Variants in CCDC91 observed in about 807,000 individuals in gnomAD.
CCDC91 encodes coiled-coil domain-containing protein 91.
CCDC91 carries 48 observed loss-of-function variants against 63.2 expected under a neutral mutation model. The observed-to-expected ratio is 0.76, with a 90% CI of 0.60 to 0.97. The LOEUF is 0.97. Among genes scored for constraint, CCDC91 ranks in the 50% least tolerant of loss-of-function variants. The probability of loss-of-function intolerance (pLI) is 0.00; values close to 1 mark genes in which losing one functional copy is unlikely to be tolerated. For synonymous variants in CCDC91, 167 were observed against 165.8 expected (o/e 1.01, Z -0.06); for missense variants, 500 against 494.6 (o/e 1.01, Z -0.10).
intron 12 of CCDC91, among the ~76,000 whole-genome samples, chr12:28,493,124 G>A (rs1352653851): frequency 6.6e-6 from 1 of 151,548 alleles, no homozygotes; most frequent in Non-Finnish European, 1.5e-5. Flanking sequence ...TATATTTACT[G>A]TCTCAATCCT....
Position 28,305,814 on chromosome 12 carries a change from C to G in CCDC91, c.267+8C>G, listed in dbSNP as rs1344625980. The stretch of plus-strand genomic sequence containing the variant: ...ACTATTCCAAAAGCACAGGTAAAGA[C>G]AAACATATTTTTAAAGGAGGTTTGC... On this transcript the variant is annotated splice_region_variant and intron_variant, in intron 4 of 12. Transcript: ENST00000536442. 6.2e-7 allele frequency: 1 copy of G among 1,600,836 alleles called. No homozygotes were observed. Among genetic ancestry groups the G allele is most frequent in the Non-Finnish European group, 8.5e-7 (1 of 1,174,148 alleles).
intron 1 of CCDC91, among the ~76,000 whole-genome samples, chr12:28,239,526 A>G (rs905622193): frequency 1.1e-4 from 16 of 152,084 alleles, no homozygotes; most frequent in Admixed American, 3.9e-4. Context: ...TTAAGGTATT[A>G]AATTAAAAGA....
intron 7 of CCDC91, among the ~76,000 whole-genome samples, chr12:28,370,242 T>A (rs1944529614): frequency 6.6e-6 from 1 of 152,206 alleles, no homozygotes; most frequent in Non-Finnish European, 1.5e-5. Flanking sequence ...ACTGTGCACT[T>A]TCAGAAAAAG....
chr12:28,424,086 G>T (rs1660327136), intron 8 of CCDC91, among the ~76,000 whole-genome samples: 1 of 151,984 alleles, frequency 6.6e-6, no homozygotes, highest in African/African-American at 2.4e-5. Context: ...CACCACCAAG[G>T]CTAGCTAAAT....
chr12:28,328,169 C>T (rs1157615643), intron 6 of CCDC91, among the ~76,000 whole-genome samples: 2 of 152,068 alleles, frequency 1.3e-5, no homozygotes, highest in African/African-American at 4.8e-5. Context: ...TGCCATCTAC[C>T]TTACATTATT....
chr12:28,483,643 T>C (rs2140913611), intron 11 of CCDC91, among the ~76,000 whole-genome samples: 1 of 152,188 alleles, frequency 6.6e-6, no homozygotes, highest in East Asian at 1.9e-4. Context: ...ACTTGATTAT[T>C]GTGTGATGGC....
At chr12:28,542,869 A>G (rs1005489501) in intron 12 of CCDC91, among the ~76,000 whole-genome samples, 1 of 152,046 alleles carries the variant, frequency 6.6e-6, no homozygotes, top group Non-Finnish European at 1.5e-5. Flanking sequence ...CACTACTCTG[A>G]TATATGAGGA....
chr12:28,346,017 C>T (rs1196522941), intron 6 of CCDC91, among the ~76,000 whole-genome samples: 1 of 151,554 alleles, frequency 6.6e-6, no homozygotes, highest in African/African-American at 2.4e-5. Flanking sequence ...GATTTTTTTC[C>T]ATGCAATTTT....
chr12:28,399,580 A>G (rs1251007100), intron 8 of CCDC91, among the ~76,000 whole-genome samples: 1 of 152,216 alleles, frequency 6.6e-6, no homozygotes, highest in Non-Finnish European at 1.5e-5. Flanking sequence ...CCAAAGCCTC[A>G]TTTGAGACAA....
chr12:28,484,572 C>G (rs1263153344), intron 12 of CCDC91, among the ~76,000 whole-genome samples: 1 of 152,120 alleles, frequency 6.6e-6, no homozygotes, highest in Non-Finnish European at 1.5e-5. Context: ...GACATAATTA[C>G]AGTTAGCAAA....
At chr12:28,388,763 A>G in intron 7 of CCDC91, among the ~76,000 whole-genome samples, 1 of 152,072 alleles carries the variant, frequency 6.6e-6, no homozygotes, top group Non-Finnish European at 1.5e-5. Flanking sequence ...GGGAAAGGAC[A>G]CCCTTTTCAA....
At chr12:28,214,731 A>G (rs1038652093) in intron 1 of CCDC91, among the ~76,000 whole-genome samples, 2 of 152,200 alleles carry the variant, frequency 1.3e-5, no homozygotes, top group African/African-American at 4.8e-5. Flanking sequence ...TAGAAATGTC[A>G]TTCAAAATCT....
chr12:28,546,956 A>C (rs1481448538), intron 12 of CCDC91, among the ~76,000 whole-genome samples: 1 of 152,152 alleles, frequency 6.6e-6, no homozygotes, highest in Non-Finnish European at 1.5e-5. Flanking sequence ...GAATAAACTT[A>C]CATGTCTGTC....
intron 12 of CCDC91, among the ~76,000 whole-genome samples, chr12:28,507,562 T>G (rs1027506412): frequency 6.6e-6 from 1 of 152,034 alleles, no homozygotes; most frequent in African/African-American, 2.4e-5. Context: ...GTCAGTTGTC[T>G]TTTCTTCCTT....
chr12:28,287,576 T>A (rs1235128703), intron 3 of CCDC91, among the ~76,000 whole-genome samples: 1 of 152,192 alleles, frequency 6.6e-6, no homozygotes, highest in Non-Finnish European at 1.5e-5. Context: ...TGGATCTGTT[T>A]TTGTAGCAAT....
At chr12:28,244,494 C>CTTTTTTTTTTTTTTTT (rs3064681) in intron 1 of CCDC91, among the ~76,000 whole-genome samples, 1 of 38,426 alleles carries the variant, frequency 2.6e-5, no homozygotes, top group African/African-American at 1.2e-4. Flanking sequence ...TAGAAGAAGG[C>CTTTTTTTTTTTTTTTT]TTTTTTTTTT....
At chr12:28,340,799 G>A (rs980386092) in intron 6 of CCDC91, among the ~76,000 whole-genome samples, 9 of 152,156 alleles carry the variant, frequency 5.9e-5, no homozygotes, top group Admixed American at 1.3e-4. Context: ...AGCCATCTGC[G>A]GGCTGCTTGT....
At chr12:28,289,748 G>A (rs1949120715) in intron 3 of CCDC91, among the ~76,000 whole-genome samples, 1 of 136,216 alleles carries the variant, frequency 7.3e-6, no homozygotes, top group African/African-American at 2.8e-5. Context: ...CTGGAGTGCA[G>A]TGGCGCGATC....
chr12:28,308,062 A>G (rs2137119677), intron 6 of CCDC91, among the ~76,000 whole-genome samples: 1 of 152,114 alleles, frequency 6.6e-6, no homozygotes, highest in South Asian at 2.1e-4. Context: ...TTACATTTAG[A>G]ATCCTGTAAT....
Sources: gnomAD v4.1 joint callset for allele counts (sites outside exome capture counted in the v4.1 genomes callset) on GRCh38, gnomAD v4.1.1 for gene constraint, MANE v1.5 for transcripts, NCBI Gene and HGNC (gene_info 2026-07-23, HGNC 2026-07-21) for gene names.